Variants in B4GALT4 observed in about 807,000 individuals in gnomAD.
The protein encoded by B4GALT4 is beta-1,4-galactosyltransferase 4, also known as N-acetyllactosamine synthase.
B4GALT4 carries 27 observed loss-of-function variants against 37.3 expected under a neutral mutation model. The observed-to-expected ratio is 0.72, with a 90% CI of 0.53 to 1.00. The LOEUF is 1.00. B4GALT4 is among the 50% of genes least tolerant of loss of function. The pLI, the probability that B4GALT4 is intolerant of heterozygous loss-of-function variation, is 0.00. For synonymous variants in B4GALT4, 148 were observed against 154.1 expected, an observed-to-expected ratio of 0.96 and a Z score of 0.29; for missense variants, 372 against 413.1, an observed-to-expected ratio of 0.90 and a Z score of 0.86.
At chr3:119,225,997 T>G (rs2078605989) in intron 4 of B4GALT4, among the ~76,000 whole-genome samples, 1 of 152,202 alleles carries the variant, frequency 6.6e-6, no homozygotes, top group Non-Finnish European at 1.5e-5. Flanking sequence ...AAAAGAAATA[T>G]TACCTGTTCT....
chr3:119,229,788 ATTATAC>A, intron 3 of B4GALT4, 53 bp downstream of exon 3: 1 of 1,562,130 alleles, frequency 6.4e-7, no homozygotes. Context: ...GCAAGTACAT[ATTATAC>A]TTAAATAAAA....
intron 7 of B4GALT4, chr3:119,213,234 A>C (rs986689971): frequency 6.6e-6 from 1 of 152,276 alleles, no homozygotes; most frequent in Non-Finnish European, 1.5e-5. Flanking sequence ...AGGAAAAAGC[A>C]CTCCAGGCAG....
intron 2 of B4GALT4, chr3:119,232,351 G>A (rs1201737967): frequency 5.9e-5 from 9 of 152,320 alleles, no homozygotes; most frequent in African/African-American, 2.2e-4. Flanking sequence ...ACCATATGAT[G>A]TAAGAATTAC....
intron 7 of B4GALT4, chr3:119,215,096 T>C (rs1327579980): frequency 6.6e-6 from 1 of 152,162 alleles, no homozygotes; most frequent in African/African-American, 2.4e-5. Flanking sequence ...CTTGATTGGA[T>C]TGAAGGATGT....
At chr3:119,239,178 T>C (rs762100829) in intron 1 of B4GALT4, among the ~76,000 whole-genome samples, 5 of 151,994 alleles carry the variant, frequency 3.3e-5, no homozygotes, top group Non-Finnish European at 7.4e-5. Flanking sequence ...ATACAAAAAT[T>C]AGCCGGGAGT....
chr3:119,218,283 G>A (rs1488270010), intron 6 of B4GALT4, among the ~76,000 whole-genome samples: 5 of 152,130 alleles, frequency 3.3e-5, no homozygotes, highest in Admixed American at 6.6e-5. Context: ...TGGGAACTGT[G>A]TCCCCAAGGG....
chr3:119,230,369 A>C (rs955282038), intron 2 of B4GALT4, 125 bp from the exon 3 acceptor site: 10 of 450,912 alleles, frequency 2.2e-5, no homozygotes, highest in Non-Finnish European at 4.0e-5. Flanking sequence ...TAGGTCTTCC[A>C]CTTAGCATTT....
At chr3:119,220,762 G>A (rs868546447) in intron 5 of B4GALT4, among the ~76,000 whole-genome samples, 6 of 152,136 alleles carry the variant, frequency 3.9e-5, no homozygotes, top group Non-Finnish European at 7.4e-5. Context: ...CAAGGCGGAC[G>A]GATCAAGAGG....
intron 5 of B4GALT4, among the ~76,000 whole-genome samples, chr3:119,219,722 AG>A (rs1255957006): frequency 6.6e-6 from 1 of 152,246 alleles, no homozygotes; most frequent in Non-Finnish European, 1.5e-5. Context: ...GGTAAAAGTT[AG>A]AGAGCACCTC....
intron 4 of B4GALT4, 102 bp from the exon 5 acceptor site, chr3:119,224,347 T>G: frequency 5.2e-6 from 4 of 773,454 alleles, no homozygotes; most frequent in South Asian, 5.3e-5. Flanking sequence ...CTAATTATTC[T>G]ACGCACGAGA....
chr3:119,226,891 T>C lies in B4GALT4; in HGVS notation c.404A>G (p.Lys135Arg). 6.2e-7 allele frequency: 1 copy of C among 1,614,192 alleles called. No individual in the cohort carries two copies. The highest frequency in any genetic ancestry group is 8.5e-7 in the Non-Finnish European group (1 of 1,180,030). The change falls in exon 4 of 8, where the codon AAA (lysine) becomes AGA (arginine). Residue 135 changes from lysine to arginine, a missense_variant. Transcript: ENST00000393765. ...AILVPHRNRE[K>R]HLMYLLEHLH... is the part of the protein sequence containing the mutation. The stretch of plus-strand genomic sequence containing the variant: ...ATGTTCCAGCAGGTACATCAGGTGT[T>C]TCTCTCTGTTCCGGTGGGGAACGAG...
chr3:119,228,161 T>C (rs1312835481), intron 3 of B4GALT4, among the ~76,000 whole-genome samples: 1 of 152,246 alleles, frequency 6.6e-6, no homozygotes, highest in African/African-American at 2.4e-5. Context: ...CTGTGTGGCC[T>C]GTTCACAATC....
intron 2 of B4GALT4, 41 bp from the exon 3 acceptor site, chr3:119,230,285 A>G (rs1373481787): frequency 6.5e-6 from 5 of 774,610 alleles, no homozygotes; most frequent in Admixed American, 5.9e-5. Flanking sequence ...TCAAATGGAA[A>G]TTCTATCCTG....
chr3:119,230,761 G>C (rs1223913541), intron 2 of B4GALT4, among the ~76,000 whole-genome samples: 2 of 152,194 alleles, frequency 1.3e-5, no homozygotes, highest in African/African-American at 4.8e-5. Context: ...TATTCTCAAA[G>C]AGGCACTGGC....
At chr3:119,218,820 G>T (rs750556241) in intron 5 of B4GALT4, 48 bp from the exon 6 acceptor site, 2 of 1,606,196 alleles carry the variant, frequency 1.2e-6, no homozygotes, top group South Asian at 1.1e-5. Flanking sequence ...CGCACCAAAG[G>T]TCTCTGATTT....
intron 7 of B4GALT4, chr3:119,213,924 C>T (rs1343623006): frequency 6.6e-6 from 1 of 152,100 alleles, no homozygotes; most frequent in African/African-American, 2.4e-5. Flanking sequence ...TTTAATAATG[C>T]TTTAAAATAT....
At chr3:119,229,350 G>A (rs1244497255) in intron 3 of B4GALT4, among the ~76,000 whole-genome samples, 6 of 152,228 alleles carry the variant, frequency 3.9e-5, no homozygotes, top group African/African-American at 1.4e-4. Context: ...TAATAAAAGT[G>A]GGTCTGTTCC....
Position 119,229,922 on chromosome 3 carries a change from C to A in B4GALT4, c.178G>T (p.Gly60Ter). 1 of 1,614,130 alleles carries A rather than the reference C, an allele frequency of 6.2e-7. No homozygotes were observed. The highest frequency in any genetic ancestry group is 8.5e-7 in the Non-Finnish European group (1 of 1,180,018). ...NFHKTLILGK[G>*]KTLTNEASTK... ...GATGCTTCATTAGTCAGAGTTTTTC[C>A]CTTCCCCAAAATGAGGGTCTTATGG... The change falls in exon 3 of 8, where the codon GGA becomes TGA. Residue 60 changes from glycine to a stop codon, truncating the protein, a stop_gained. Transcript: ENST00000393765. LOFTEE classifies it high-confidence loss of function.
intron 2 of B4GALT4, among the ~76,000 whole-genome samples, chr3:119,231,700 T>C (rs2107528444): frequency 6.8e-6 from 1 of 147,822 alleles, no homozygotes; most frequent in African/African-American, 2.4e-5. Flanking sequence ...TTAGAATTTT[T>C]AATAATATAT....
Sources: gnomAD v4.1 joint callset for allele counts (sites outside exome capture counted in the v4.1 genomes callset) on GRCh38, gnomAD v4.1.1 for gene constraint, MANE v1.5 for transcripts, NCBI Gene and HGNC (gene_info 2026-07-23, HGNC 2026-07-21) for gene names.